The following SHISA6 variants were observed in gnomAD, a reference collection of about 807,000 sequenced individuals.
SHISA6 encodes the protein protein shisa-6.
Under a neutral mutation model 47.9 loss-of-function variants are expected in SHISA6, and 22 were observed. That is an observed-to-expected ratio of 0.46 (90% CI 0.33 to 0.66). The LOEUF (loss-of-function observed/expected upper bound fraction) is 0.66, where lower values mean the gene tolerates loss of function less well. Among genes scored for constraint, SHISA6 ranks in the 30% least tolerant of loss-of-function variants. The pLI, the probability that SHISA6 is intolerant of heterozygous loss-of-function variation, is 0.02. For synonymous variants in SHISA6, 388 were observed against 337.8 expected (o/e 1.15, Z -1.63); for missense variants, 680 against 764.6 (o/e 0.89, Z 1.30).
chr17:11,528,689 A>AATGCT (rs2071707257), intron 3 of SHISA6, among the ~76,000 whole-genome samples: 1 of 152,192 alleles, frequency 6.6e-6, no homozygotes. Flanking sequence ...GCAACCCAGG[A>AATGCT]GACAGCAGCA....
intron 3 of SHISA6, among the ~76,000 whole-genome samples, chr17:11,497,359 T>C (rs1567621712): frequency 3.9e-5 from 6 of 152,056 alleles, no homozygotes. Flanking sequence ...AAATAATCAC[T>C]CTGACTGCTG....
At chr17:11,248,728 A>G (rs1907685246) in intron 1 of SHISA6, among the ~76,000 whole-genome samples, 1 of 152,174 alleles carries the variant, frequency 6.6e-6, no homozygotes. Context: ...TCTAAGCATA[A>G]TCCTTTTATA....
chr17:11,397,022 CG>C (rs1913594135), intron 3 of SHISA6, among the ~76,000 whole-genome samples: 1 of 152,082 alleles, frequency 6.6e-6, no homozygotes, highest in Non-Finnish European at 1.5e-5. Context: ...ATGAAACCAT[CG>C]GGGCCTAGAA....
chr17:11,448,145 A>T (rs1915284900), intron 3 of SHISA6, among the ~76,000 whole-genome samples: 1 of 152,204 alleles, frequency 6.6e-6, no homozygotes, highest in South Asian at 2.1e-4. Flanking sequence ...AAGAGCTAAC[A>T]TCTATGGAGT....
chr17:11,267,034 T>C (rs1036505834), intron 2 of SHISA6, among the ~76,000 whole-genome samples: 2 of 152,238 alleles, frequency 1.3e-5, no homozygotes, highest in African/African-American at 2.4e-5. Flanking sequence ...TTATGCGTAA[T>C]AGCGAATGGA....
intron 2 of SHISA6, among the ~76,000 whole-genome samples, chr17:11,360,355 C>G (rs1258038458): frequency 6.6e-6 from 1 of 152,048 alleles, no homozygotes; most frequent in Non-Finnish European, 1.5e-5. Flanking sequence ...GTCAGGAGTT[C>G]AAGACCAGCC....
At chr17:11,520,784 C>T (rs1373520752) in intron 3 of SHISA6, among the ~76,000 whole-genome samples, 3 of 152,160 alleles carry the variant, frequency 2.0e-5, no homozygotes, top group African/African-American at 4.8e-5. Flanking sequence ...AGAAAACTAC[C>T]TCGATCACCC....
At chr17:11,553,000 AT>A (rs1373882095) in intron 4 of SHISA6, among the ~76,000 whole-genome samples, 1 of 152,236 alleles carries the variant, frequency 6.6e-6, no homozygotes, top group Non-Finnish European at 1.5e-5. Flanking sequence ...TACTAACTGA[AT>A]GTGGCTGATG....
At chr17:11,511,227 T>C (rs546533367) in intron 3 of SHISA6, among the ~76,000 whole-genome samples, 41 of 151,644 alleles carry the variant, frequency 2.7e-4, no homozygotes, top group African/African-American at 8.7e-4. Context: ...TAAGTGGGAG[T>C]TGAACGATGA....
At chr17:11,271,151 T>C (rs1259919893) in intron 2 of SHISA6, among the ~76,000 whole-genome samples, 4 of 146,364 alleles carry the variant, frequency 2.7e-5, no homozygotes, top group African/African-American at 1.0e-4. Context: ...GGGTGAAGGG[T>C]GGGGGGAAAT....
chr17:11,314,386 GA>G (rs1053497868), intron 2 of SHISA6, among the ~76,000 whole-genome samples: 2 of 151,720 alleles, frequency 1.3e-5, no homozygotes, highest in East Asian at 1.9e-4. Flanking sequence ...TATATTGGGG[GA>G]AAAAACTTTA....
At chr17:11,492,216 C>T (rs1170097290) in intron 3 of SHISA6, among the ~76,000 whole-genome samples, 1 of 152,114 alleles carries the variant, frequency 6.6e-6, no homozygotes. Flanking sequence ...GGATGAAGTG[C>T]TAAAAGGCCA....
At chr17:11,407,731 A>C (rs1006050607) in intron 3 of SHISA6, among the ~76,000 whole-genome samples, 10 of 152,076 alleles carry the variant, frequency 6.6e-5, no homozygotes, top group African/African-American at 2.4e-4. Context: ...TAATGATACC[A>C]CTGTTAGTCA....
intron 3 of SHISA6, among the ~76,000 whole-genome samples, chr17:11,456,296 G>A (rs915956638): frequency 6.6e-6 from 1 of 152,318 alleles, no homozygotes; most frequent in East Asian, 1.9e-4. Context: ...GCACCTGGTG[G>A]AGGGAGCCAT....
intron 2 of SHISA6, among the ~76,000 whole-genome samples, chr17:11,284,925 T>G (rs1261825348): frequency 6.6e-6 from 1 of 152,226 alleles, no homozygotes; most frequent in East Asian, 1.9e-4. Flanking sequence ...ACAGTTGATC[T>G]GTTTCCCCAG....
At chr17:11,504,623 A>G (rs964205823) in intron 3 of SHISA6, among the ~76,000 whole-genome samples, 15 of 152,232 alleles carry the variant, frequency 9.9e-5, no homozygotes, top group Non-Finnish European at 2.2e-4. Context: ...TGCAAGAAAA[A>G]GGAATGGAAA....
chr17:11,502,528 A>C (rs2142348288), intron 3 of SHISA6, among the ~76,000 whole-genome samples: 1 of 151,738 alleles, frequency 6.6e-6, no homozygotes, highest in Non-Finnish European at 1.5e-5. Flanking sequence ...GGAGTTTGAG[A>C]CCAGCCTGAC....
chr17:11,520,595 T>C (rs1161273822), intron 3 of SHISA6, among the ~76,000 whole-genome samples: 1 of 152,162 alleles, frequency 6.6e-6, no homozygotes, highest in African/African-American at 2.4e-5. Flanking sequence ...CAACTATGCT[T>C]ATGCTCAGCT....
intron 1 of SHISA6, among the ~76,000 whole-genome samples, chr17:11,249,515 T>C (rs995029799): frequency 6.6e-6 from 1 of 152,164 alleles, no homozygotes; most frequent in Admixed American, 6.5e-5. Context: ...ATAACCTCTG[T>C]GGCATGCAGT....
Sources: allele counts gnomAD v4.1 joint callset (sites outside exome capture counted in the v4.1 genomes callset), GRCh38; gene constraint gnomAD v4.1.1; transcripts MANE v1.5; gene names NCBI Gene and HGNC (gene_info 2026-07-23, HGNC 2026-07-21).